CSMD2: variants seen among roughly 807,000 people sequenced by gnomAD.
CSMD2 encodes CUB and Sushi multiple domains 2, also known as CUB and sushi domain-containing protein 2.
In CSMD2, 130 loss-of-function variants were observed where a neutral mutation model predicts 398.5. The ratio of observed to expected loss-of-function variants is 0.33; its 90% CI spans 0.28 to 0.38. The LOEUF (loss-of-function observed/expected upper bound fraction) is 0.38. Ranked by LOEUF, CSMD2 falls within the 10% of genes least tolerant of loss-of-function variation. The pLI is 1.00. For missense variants in CSMD2, 3,829 were observed against 4,764.9 expected, an observed-to-expected ratio of 0.80 and a Z score of 5.78; for synonymous variants, 1,828 against 1,908.5, an observed-to-expected ratio of 0.96 and a Z score of 1.10.
rs970991601 is a variant in CSMD2, at chr1:33,994,999, T to G, written c.517+37595A>C. On this transcript the variant is annotated intron_variant, in intron 3 of 70. Transcript: ENST00000373381. Reference sequence around the variant, plus strand: ...GAATCGCTTGAACCAGGAAGTCAGATGTTGCAGTGAGCCAAGATCGCCCCA... The same window carrying G: ...GAATCGCTTGAACCAGGAAGTCAGAGGTTGCAGTGAGCCAAGATCGCCCCA... Among the ~76,000 whole-genome samples the G allele has an allele frequency of 2.6e-5, 4 of 151,022 alleles. No homozygotes were observed. In the South Asian group the frequency reaches 6.3e-4, roughly 24 times the overall value.
intron 1 of CSMD2, among the ~76,000 whole-genome samples, chr1:34,129,667 T>A (rs1484041206): frequency 6.6e-6 from 1 of 151,922 alleles, no homozygotes; most frequent in African/African-American, 2.4e-5. Context: ...AATAAATAAA[T>A]AAAATAAAAT....
chr1:34,157,752 C>T (rs1040873865), intron 1 of CSMD2, among the ~76,000 whole-genome samples: 1 of 152,052 alleles, frequency 6.6e-6, no homozygotes, highest in African/African-American at 2.4e-5. Context: ...CAACACATCC[C>T]AACCCACCTT....
At chr1:34,033,916 C>A (rs528619305) in intron 2 of CSMD2, among the ~76,000 whole-genome samples, 1 of 152,222 alleles carries the variant, frequency 6.6e-6, no homozygotes, top group Non-Finnish European at 1.5e-5. Context: ...TTGTGGGATT[C>A]ATGTTAACTC....
At chr1:33,541,064 C>G in intron 59 of CSMD2, 66 bp downstream of exon 59, 2 of 1,495,278 alleles carry the variant, frequency 1.3e-6, no homozygotes, top group Admixed American at 1.7e-5. Context: ...GAGAGATGCT[C>G]AGGGCCTACA....
Position 33,515,457 on chromosome 1 carries a change from C to T in CSMD2, c.*1167G>A, listed in dbSNP as rs1234717729. ...CCCTTCTTAGCTGCCCCTTCTAGAA[C>T]AGGGTTTCTGGCAGCTGGTGTAGTG... On this transcript the variant is annotated 3_prime_UTR_variant, in exon 71 of 71. Transcript: ENST00000373381. 1 of 152,288 alleles carries T rather than the reference C, an allele frequency of 6.6e-6. No individual in the cohort carries two copies. The highest frequency in any genetic ancestry group is 1.5e-5 in the Non-Finnish European group (1 of 68,112). The allele number at this position is 152,288 out of a possible 1,614,324, so 9.4% of individuals were successfully genotyped here.
intron 18 of CSMD2, 26 bp downstream of exon 18, chr1:33,724,490 T>C: frequency 6.2e-7 from 1 of 1,605,610 alleles, no homozygotes; most frequent in Non-Finnish European, 8.5e-7. Context: ...TCTGCTACTT[T>C]AGCGCCCCCT....
At chr1:33,642,992 A>AG (rs1273369069) in intron 29 of CSMD2, among the ~76,000 whole-genome samples, 2 of 152,140 alleles carry the variant, frequency 1.3e-5, no homozygotes, top group Non-Finnish European at 2.9e-5. Context: ...ACATCTCTCT[A>AG]TGTGGGGCGC....
Position 33,680,918 on chromosome 1 carries a change from C to CTTTTTTTTTTTTTT in CSMD2, c.4052+11998_4052+12011dup, listed in dbSNP as rs66489770. On this transcript the variant is annotated intron_variant, in intron 25 of 70. Coordinates refer to ENST00000373381, the MANE Select transcript of CSMD2 (RefSeq NM_001281956.2). ...CTTATTTCCATCATCCTGTTTTATGCTTTTTTTTTTTTTTTTTTTTTTTTG... is the reference window on the plus strand; with the variant it reads ...CTTATTTCCATCATCCTGTTTTATGCTTTTTTTTTTTTTTTTTTTTTTTTTTTTTTTTTTTTTTG... Among the ~76,000 whole-genome samples the CTTTTTTTTTTTTTT allele has an allele frequency of 7.1e-4, 54 of 75,934 alleles. 1 individual carries two copies. The highest frequency in any genetic ancestry group is 1.2e-3 in the Admixed American group (5 of 4,274). The allele number at this position is 75,934 out of a possible 152,430, so 49.8% of individuals were successfully genotyped here. A position where few individuals can be genotyped will look rare whatever the true frequency, so the allele number is the denominator to read the frequency against.
intron 19 of CSMD2, among the ~76,000 whole-genome samples, chr1:33,718,999 G>A (rs895181812): frequency 5.9e-5 from 9 of 152,212 alleles, no homozygotes; most frequent in Non-Finnish European, 2.9e-5. Flanking sequence ...CTTGTGCTAA[G>A]CACTGAGAAA....
chr1:33,959,720 C>T (rs1296025705), intron 3 of CSMD2, among the ~76,000 whole-genome samples: 2 of 152,290 alleles, frequency 1.3e-5, no homozygotes, highest in South Asian at 2.1e-4. Context: ...GGCTTCACAT[C>T]TTTCAGGTCT....
chr1:33,861,329 A>T (rs1310728460), intron 5 of CSMD2: 1 of 152,168 alleles, frequency 6.6e-6, no homozygotes, highest in Non-Finnish European at 1.5e-5. Flanking sequence ...AGCCACACTC[A>T]TTGGTTTAGG....
intron 41 of CSMD2, among the ~76,000 whole-genome samples, chr1:33,606,324 T>C: frequency 6.6e-6 from 1 of 152,220 alleles, no homozygotes; most frequent in Non-Finnish European, 1.5e-5. Flanking sequence ...TGGGACTGGA[T>C]AGATGCTTCT....
At chr1:33,523,847 T>C (rs1369279069) in intron 66 of CSMD2, among the ~76,000 whole-genome samples, 2 of 152,260 alleles carry the variant, frequency 1.3e-5, no homozygotes, top group Admixed American at 6.5e-5. Flanking sequence ...CGTAGGTGTG[T>C]GCACGTATGA....
intron 15 of CSMD2, among the ~76,000 whole-genome samples, chr1:33,738,134 G>C (rs1646942555): frequency 6.6e-6 from 1 of 151,994 alleles, no homozygotes; most frequent in Non-Finnish European, 1.5e-5. Flanking sequence ...TGTCCTTCCT[G>C]TTCATGGCCA....
chr1:34,059,324 C>T (rs560245641), intron 2 of CSMD2, among the ~76,000 whole-genome samples: 2 of 152,282 alleles, frequency 1.3e-5, no homozygotes, highest in East Asian at 3.9e-4. Flanking sequence ...AAAAGGCCAC[C>T]ACCTTCCTGG....
intron 5 of CSMD2, among the ~76,000 whole-genome samples, chr1:33,893,414 G>A (rs540487006): frequency 6.6e-6 from 1 of 152,332 alleles, no homozygotes; most frequent in East Asian, 1.9e-4. Flanking sequence ...GAGGATAGGA[G>A]AGGGGAAAGG....
chr1:34,149,401 C>A (rs1171488773), intron 1 of CSMD2, among the ~76,000 whole-genome samples: 2 of 152,188 alleles, frequency 1.3e-5, no homozygotes, highest in Admixed American at 6.5e-5. Flanking sequence ...AATGCCTCAT[C>A]CTGAAATGCC....
chr1:34,130,317 G>C (rs915901861), intron 1 of CSMD2, among the ~76,000 whole-genome samples: 42 of 143,968 alleles, frequency 2.9e-4, no homozygotes, highest in Non-Finnish European at 2.7e-4. Flanking sequence ...TGCAGGGTAA[G>C]AGCGAACTGT....
rs752913664 is a variant in CSMD2, at chr1:33,572,648, C to T, written c.7620G>A (p.Val2540=). The T allele has an allele frequency of 2.5e-6, 4 of 1,613,764 alleles. No homozygotes were observed. In the South Asian group the frequency reaches 4.4e-5, roughly 18 times the overall value. ...GLPEAPKNGM[V]FGKEYTVGTK... Reference sequence around the variant, plus strand: ...TTCCCACTGTGTACTCCTTGCCAAACACCATTCCATTCTTGGGGGCCTCAG... The same window carrying T: ...TTCCCACTGTGTACTCCTTGCCAAATACCATTCCATTCTTGGGGGCCTCAG... Residue 2540 remains valine, a synonymous_variant, in exon 50 of 71, where the codon GTG becomes GTA. Coordinates refer to ENST00000373381, the MANE Select transcript of CSMD2 (RefSeq NM_001281956.2).
Sources: gnomAD v4.1 joint callset for allele counts (sites outside exome capture counted in the v4.1 genomes callset) on GRCh38, gnomAD v4.1.1 for gene constraint, MANE v1.5 for transcripts, NCBI Gene and HGNC (gene_info 2026-07-23, HGNC 2026-07-21) for gene names.